PDE1C: variants seen among roughly 807,000 people sequenced by gnomAD.
The protein encoded by PDE1C is dual specificity calcium/calmodulin-dependent 3',5'-cyclic nucleotide phosphodiesterase 1C.
PDE1C carries 62 observed loss-of-function variants against 93.1 expected under a neutral mutation model. The ratio of observed to expected loss-of-function variants is 0.67; its 90% CI spans 0.54 to 0.82. The LOEUF is 0.82. Among genes scored for constraint, PDE1C ranks in the 40% least tolerant of loss-of-function variants. PDE1C has a pLI of 0.00. For synonymous variants in PDE1C, 325 were observed against 310.1 expected (o/e 1.05, Z -0.50); for missense variants, 742 against 884.6 (o/e 0.84, Z 2.04).
intron 3 of PDE1C, among the ~76,000 whole-genome samples, chr7:32,120,637 A>G (rs1339419852): frequency 6.6e-6 from 1 of 152,182 alleles, no homozygotes; most frequent in African/African-American, 2.4e-5. Flanking sequence ...GCAGCCCTCC[A>G]GAAGCGCAAC....
rs7806516 is a variant in PDE1C at position 32,388,480 on chromosome 7, A to C, written c.310+39342T>G. ...TAGAGGACCTCCAAAAAACCAACAT[A>C]CCAGGCTGAGCAACACAGCGAGACC... On this transcript the variant is annotated intron_variant, in intron 1 of 1. Coordinates refer to the PDE1C transcript ENST00000672256. 8.8e-3 allele frequency among the ~76,000 whole-genome samples: 1,339 copies of C among 152,106 alleles called. 18 individuals are homozygous for C. Among genetic ancestry groups the C allele is most frequent in the African/African-American group, 0.03 (1,256 of 41,488 alleles).
chr7:31,805,050 G>A (rs1786642086), intron 16 of PDE1C, among the ~76,000 whole-genome samples: 1 of 151,660 alleles, frequency 6.6e-6, no homozygotes, highest in South Asian at 2.1e-4. Context: ...AGTCTCACGA[G>A]ATGTGATGAT....
At chr7:31,854,224 AT>A (rs1365556632) in intron 7 of PDE1C, among the ~76,000 whole-genome samples, 1 of 152,152 alleles carries the variant, frequency 6.6e-6, no homozygotes, top group Non-Finnish European at 1.5e-5. Flanking sequence ...CTCAGGTGAT[AT>A]TAGATAGCAT....
At chr7:32,387,406 G>C (rs1169689960) in intron 1 of PDE1C, among the ~76,000 whole-genome samples, 4 of 151,730 alleles carry the variant, frequency 2.6e-5, no homozygotes, top group Non-Finnish European at 5.9e-5. Flanking sequence ...TCCCAGACGG[G>C]GTCCTGGCCG....
chr7:32,202,254 G>T (rs1805064024), intron 2 of PDE1C, among the ~76,000 whole-genome samples: 1 of 152,152 alleles, frequency 6.6e-6, no homozygotes, highest in Admixed American at 6.5e-5. Context: ...ATATGTCTTT[G>T]TATATATTTC....
chr7:32,321,210 T>G (rs1042560985), intron 1 of PDE1C, among the ~76,000 whole-genome samples: 2 of 152,224 alleles, frequency 1.3e-5, no homozygotes, highest in Non-Finnish European at 2.9e-5. Flanking sequence ...TCATTTCTTT[T>G]GTGATACAGC....
At chr7:32,059,416 G>T (rs1794527874) in intron 1 of PDE1C, among the ~76,000 whole-genome samples, 1 of 152,162 alleles carries the variant, frequency 6.6e-6, no homozygotes, top group Non-Finnish European at 1.5e-5. Flanking sequence ...CCCACAGGAA[G>T]CCCCACCTGG....
chr7:31,763,995 T>G (rs572364829), intron 17 of PDE1C, among the ~76,000 whole-genome samples: 1 of 148,430 alleles, frequency 6.7e-6, no homozygotes, highest in South Asian at 2.1e-4. Context: ...ATATATATTT[T>G]TATATATATA....
At chr7:31,695,541 C>G in the PDE1C span, 1 of 1,613,772 alleles carries the variant, frequency 6.2e-7, no homozygotes, top group South Asian at 1.1e-5. Flanking sequence ...AATGTACAGG[C>G]CACCCTGAAT....
the PDE1C span, among the ~76,000 whole-genome samples, chr7:31,698,369 C>T: frequency 6.6e-6 from 1 of 152,180 alleles, no homozygotes; most frequent in African/African-American, 2.4e-5. Flanking sequence ...TTCCCACTTC[C>T]AATTACCTCT....
chr7:32,183,475 A>G (rs988163375), intron 2 of PDE1C, among the ~76,000 whole-genome samples: 1 of 152,200 alleles, frequency 6.6e-6, no homozygotes, highest in Non-Finnish European at 1.5e-5. Context: ...GGAACAGAAC[A>G]GAGCCCTCAG....
At chr7:32,270,149 T>C (rs1049988286) in intron 1 of PDE1C, among the ~76,000 whole-genome samples, 30 of 152,226 alleles carry the variant, frequency 2.0e-4, no homozygotes, top group African/African-American at 7.2e-4. Flanking sequence ...ATAGTTCTAT[T>C]TTACATGCAA....
At chr7:32,322,782 A>G (rs1342829026) in intron 1 of PDE1C, among the ~76,000 whole-genome samples, 1 of 151,882 alleles carries the variant, frequency 6.6e-6, no homozygotes, top group African/African-American at 2.4e-5. Context: ...CACCTGGCTA[A>G]TTTTGTATTT....
chr7:32,380,314 T>C (rs531671415), intron 1 of PDE1C, among the ~76,000 whole-genome samples: 2 of 152,000 alleles, frequency 1.3e-5, no homozygotes, highest in East Asian at 3.9e-4. Context: ...CTTGGCTCAC[T>C]GAAAACTCCG....
chr7:32,330,032 A>G (rs1783481219), intron 1 of PDE1C, among the ~76,000 whole-genome samples: 1 of 152,260 alleles, frequency 6.6e-6, no homozygotes, highest in African/African-American at 2.4e-5. Flanking sequence ...GATTGAATAT[A>G]GCATCTCCCA....
intron 15 of PDE1C, among the ~76,000 whole-genome samples, chr7:31,810,114 C>T (rs116822310): frequency 6.6e-6 from 1 of 152,106 alleles, no homozygotes; most frequent in Non-Finnish European, 1.5e-5. Flanking sequence ...AACAGTGCTG[C>T]ATCCCTATCT....
At chr7:31,891,192 G>GACTGGA (rs1201075036) in intron 2 of PDE1C, among the ~76,000 whole-genome samples, 2 of 152,152 alleles carry the variant, frequency 1.3e-5, no homozygotes, top group Non-Finnish European at 1.5e-5. Flanking sequence ...TTATGAACCA[G>GACTGGA]ACTGGAACTG....
intron 2 of PDE1C, among the ~76,000 whole-genome samples, chr7:32,014,164 T>C (rs1387174122): frequency 6.6e-6 from 1 of 152,206 alleles, no homozygotes; most frequent in Non-Finnish European, 1.5e-5. Flanking sequence ...TGCACTGCAA[T>C]AATTGGTAAA....
intron 17 of PDE1C, among the ~76,000 whole-genome samples, chr7:31,761,526 C>A (rs935735111): frequency 3.3e-5 from 5 of 152,162 alleles, no homozygotes; most frequent in African/African-American, 9.7e-5. Flanking sequence ...TTCTGCCAGA[C>A]TGGAATATTA....
Sources: allele counts gnomAD v4.1 joint callset (sites outside exome capture counted in the v4.1 genomes callset), GRCh38; gene constraint gnomAD v4.1.1; transcripts MANE v1.5; gene names NCBI Gene and HGNC (gene_info 2026-07-23, HGNC 2026-07-21).